Variants in KCNN2 observed in about 807,000 individuals in gnomAD.
The protein encoded by KCNN2 is potassium calcium-activated channel subfamily N member 2, also known as small conductance calcium-activated potassium channel protein 2.
In KCNN2, 24 loss-of-function variants were observed where a neutral mutation model predicts 55.5. The observed-to-expected ratio is 0.43, with a 90% CI of 0.31 to 0.61. KCNN2 has a LOEUF of 0.61. KCNN2 is among the 20% of genes least tolerant of loss of function. KCNN2 has a pLI of 0.08. For missense variants in KCNN2, 754 were observed against 853.6 expected (o/e 0.88, Z 1.45); for synonymous variants, 431 against 336.1 (o/e 1.28, Z -3.09).
At chr5:114,307,579 G>T (rs1756310690) in intron 2 of KCNN2, among the ~76,000 whole-genome samples, 1 of 152,120 alleles carries the variant, frequency 6.6e-6, no homozygotes, top group South Asian at 2.1e-4. Context: ...TGTCCTATAG[G>T]AGACAACTCT....
intron 2 of KCNN2, among the ~76,000 whole-genome samples, chr5:114,335,875 G>A (rs1756914390): frequency 6.6e-6 from 1 of 152,170 alleles, no homozygotes; most frequent in South Asian, 2.1e-4. Context: ...ATGGTGGATA[G>A]TTTCAGAAAC....
At chr5:114,364,136 C>A in intron 2 of KCNN2, 135 bp downstream of exon 2, 4 of 626,698 alleles carry the variant, frequency 6.4e-6, no homozygotes, top group Middle Eastern at 3.1e-4. Context: ...GTATTGTTAC[C>A]GTTAGCACCT....
rs1561537314 is a variant in KCNN2 at position 114,241,824 on chromosome 5, G to GTATATATATATATGTGTA, written c.-185+20272_-185+20273insGTGTATATATATATATAT. Reference sequence around the variant, plus strand: ...TATATACGTATATATATATATGTGTGTATATATATATATATATATATGGAG... The same window carrying GTATATATATATATGTGTA: ...TATATACGTATATATATATATGTGTGTATATATATATATGTGTATATATATATATATATATATATGGAG... On this transcript the variant is annotated intron_variant, in intron 2 of 10. Coordinates refer to the KCNN2 transcript ENST00000512097. Among the ~76,000 whole-genome samples the GTATATATATATATGTGTA allele has an allele frequency of 6.3e-5, 2 of 31,974 alleles. 1 individual carries two copies. The highest frequency in any genetic ancestry group is 1.2e-4 in the Non-Finnish European group (2 of 16,734). The allele number at this position is 31,974 out of a possible 152,430, so 21.0% of individuals were successfully genotyped here. A position where few individuals can be genotyped will look rare whatever the true frequency, so the allele number is the denominator to read the frequency against.
At chr5:114,197,982 A>T (rs531422999) in intron 1 of KCNN2, among the ~76,000 whole-genome samples, 2 of 152,278 alleles carry the variant, frequency 1.3e-5, no homozygotes, top group Admixed American at 1.3e-4. Flanking sequence ...TTTTAAGATA[A>T]TTTTTGTGAA....
At chr5:114,059,259 A>C (rs182339019) in intron 1 of KCNN2, among the ~76,000 whole-genome samples, 157 of 152,334 alleles carry the variant, frequency 1.0e-3, no homozygotes, top group African/African-American at 3.5e-3. Flanking sequence ...TGTACAAAGA[A>C]GAGAAAGAGC....
intron 2 of KCNN2, among the ~76,000 whole-genome samples, chr5:114,342,996 C>G (rs968365286): frequency 1.3e-5 from 2 of 152,156 alleles, no homozygotes; most frequent in African/African-American, 4.8e-5. Context: ...CTTCCTGATC[C>G]TCTCCTGATA....
intron 2 of KCNN2, among the ~76,000 whole-genome samples, chr5:114,312,741 T>C (rs1756430927): frequency 6.6e-6 from 1 of 152,000 alleles, no homozygotes; most frequent in South Asian, 2.1e-4. Context: ...AGGATTGCAC[T>C]TGACATAATT....
chr5:114,231,237 C>T (rs1383992791), intron 2 of KCNN2, among the ~76,000 whole-genome samples: 1 of 65,316 alleles, frequency 1.5e-5, no homozygotes, highest in African/African-American at 6.8e-5. Context: ...TGTAGGTTGC[C>T]TGTTCACTCT....
intron 3 of KCNN2, among the ~76,000 whole-genome samples, chr5:114,449,491 G>A (rs1344932817): frequency 6.6e-6 from 1 of 152,162 alleles, no homozygotes; most frequent in Non-Finnish European, 1.5e-5. Flanking sequence ...GACTTGGGTA[G>A]CGTTTTGTTA....
intron 2 of KCNN2, among the ~76,000 whole-genome samples, chr5:114,381,142 A>G (rs1006530695): frequency 2.0e-5 from 3 of 152,214 alleles, no homozygotes; most frequent in Non-Finnish European, 4.4e-5. Flanking sequence ...ATAAGCTAAT[A>G]ATAGTCTAAT....
At chr5:114,409,108 G>C (rs1759038252) in intron 3 of KCNN2, among the ~76,000 whole-genome samples, 1 of 152,110 alleles carries the variant, frequency 6.6e-6, no homozygotes, top group Non-Finnish European at 1.5e-5. Context: ...GTGACCTCAG[G>C]CCAAACATCT....
intron 2 of KCNN2, among the ~76,000 whole-genome samples, chr5:114,248,303 A>G (rs564943618): frequency 1.3e-5 from 2 of 152,026 alleles, no homozygotes; most frequent in African/African-American, 4.8e-5. Context: ...AATGGTACCT[A>G]TAGTACATCT....
At chr5:114,249,261 T>C (rs1754810141) in intron 2 of KCNN2, among the ~76,000 whole-genome samples, 1 of 146,052 alleles carries the variant, frequency 6.8e-6, no homozygotes, top group South Asian at 2.2e-4. Context: ...AAGTTCTCAG[T>C]ATATTTCTTT....
intron 1 of KCNN2, among the ~76,000 whole-genome samples, chr5:114,202,565 G>GTATATATA (rs1465277634): frequency 6.5e-5 from 6 of 92,082 alleles, no homozygotes; most frequent in South Asian, 7.9e-4. Context: ...ATATATGTGT[G>GTATATATA]TGTATATATA....
chr5:114,077,559 A>G (rs1750707884), intron 1 of KCNN2, among the ~76,000 whole-genome samples: 1 of 152,218 alleles, frequency 6.6e-6, no homozygotes, highest in African/African-American at 2.4e-5. Flanking sequence ...TCTCTTCTGC[A>G]CATTCTAATC....
At chr5:114,382,020 G>A (rs10076718) in intron 2 of KCNN2, among the ~76,000 whole-genome samples, 8,674 of 152,160 alleles carry the variant, frequency 0.057, 822 homozygotes, top group African/African-American at 0.2. Context: ...CTGGACAATT[G>A]TACTTGCATG....
At chr5:114,136,830 A>G (rs1359529307) in intron 1 of KCNN2, among the ~76,000 whole-genome samples, 5 of 152,192 alleles carry the variant, frequency 3.3e-5, no homozygotes, top group Admixed American at 3.3e-4. Flanking sequence ...AGAACCTTAA[A>G]TAAGCTCTAG....
chr5:114,269,128 T>G (rs1755269593), intron 2 of KCNN2, among the ~76,000 whole-genome samples: 1 of 152,134 alleles, frequency 6.6e-6, no homozygotes, highest in African/African-American at 2.4e-5. Context: ...TCTCTCTTCT[T>G]GCATTTAGAA....
intron 2 of KCNN2, among the ~76,000 whole-genome samples, chr5:114,261,291 G>C (rs1486547701): frequency 6.6e-6 from 1 of 152,134 alleles, no homozygotes; most frequent in African/African-American, 2.4e-5. Flanking sequence ...TGAGTGCAAG[G>C]ACTCTGAGTT....
Sources: allele counts gnomAD v4.1 joint callset (sites outside exome capture counted in the v4.1 genomes callset), GRCh38; gene constraint gnomAD v4.1.1; transcripts MANE v1.5; gene names NCBI Gene and HGNC (gene_info 2026-07-23, HGNC 2026-07-21).